Variants in KIF16B observed in about 807,000 individuals in gnomAD.
KIF16B encodes kinesin-like protein KIF16B.
A neutral mutation model predicts 156.3 loss-of-function variants in KIF16B; 98 were observed. The observed-to-expected ratio is 0.63, with a 90% confidence interval of 0.53 to 0.74. The LOEUF (loss-of-function observed/expected upper bound fraction) is 0.74. Among genes scored for constraint, KIF16B ranks in the 30% least tolerant of loss-of-function variants. The pLI is 0.00. For missense variants in KIF16B, 1,421 were observed against 1,606.5 expected, an observed-to-expected ratio of 0.88 and a Z score of 1.97; for synonymous variants, 564 against 583.7, an observed-to-expected ratio of 0.97 and a Z score of 0.49.
intron 22 of KIF16B, among the ~76,000 whole-genome samples, chr20:16,366,097 G>A (rs2064659977): frequency 6.6e-6 from 1 of 151,986 alleles, no homozygotes; most frequent in Non-Finnish European, 1.5e-5. Flanking sequence ...GGAAAGGGTT[G>A]ATCAGAGGAG....
chr20:16,315,441 C>A (rs529363395), intron 24 of KIF16B, among the ~76,000 whole-genome samples: 2 of 152,082 alleles, frequency 1.3e-5, no homozygotes, highest in Non-Finnish European at 2.9e-5. Flanking sequence ...CCAGGCCTCT[C>A]GGGATAAAGC....
At chr20:16,567,941 G>C (rs952772900) in intron 1 of KIF16B, among the ~76,000 whole-genome samples, 1 of 152,166 alleles carries the variant, frequency 6.6e-6, no homozygotes, top group African/African-American at 2.4e-5. Flanking sequence ...AACAGAGCGA[G>C]ACTTCGTCTC....
intron 24 of KIF16B, among the ~76,000 whole-genome samples, chr20:16,335,377 T>C (rs2064017550): frequency 6.6e-6 from 1 of 152,238 alleles, no homozygotes; most frequent in Admixed American, 6.5e-5. Context: ...AATGTATTAA[T>C]ACCCTCTGGA....
intron 12 of KIF16B, among the ~76,000 whole-genome samples, chr20:16,445,321 C>A (rs1307824353): frequency 6.6e-6 from 1 of 152,054 alleles, no homozygotes; most frequent in Non-Finnish European, 1.5e-5. Context: ...ATTCTGTACT[C>A]CTGGACCCTG....
intron 22 of KIF16B, chr20:16,368,115 T>C: frequency 1.6e-6 from 2 of 1,252,876 alleles, no homozygotes; most frequent in South Asian, 2.0e-5. Flanking sequence ...AAGGTTCTGG[T>C]AGAGAACAAG....
chr20:16,514,885 CAAAAAAAAAAA>C (rs10564862), intron 4 of KIF16B, among the ~76,000 whole-genome samples: 17 of 60,754 alleles, frequency 2.8e-4, no homozygotes, highest in South Asian at 1.0e-3. Context: ...GATTCCATCT[CAAAAAAAAAAA>C]AAAAAAAAAA....
chr20:16,528,099 G>A lies in KIF16B; in HGVS notation c.117+272C>T, dbSNP rs368907238. On this transcript the variant is annotated intron_variant, in intron 2 of 25. Coordinates refer to ENST00000354981, the MANE Select transcript of KIF16B (RefSeq NM_024704.5). Reference sequence around the variant, plus strand: ...TACTACGAGGACACAGGATGAAAATGCCCGAATCTGGGATAGACTCAGGAG... The same window carrying A: ...TACTACGAGGACACAGGATGAAAATACCCGAATCTGGGATAGACTCAGGAG... Among the ~76,000 whole-genome samples the A allele has an allele frequency of 1.2e-4, 19 of 152,272 alleles. No individual in the cohort carries two copies. In the East Asian group the frequency reaches 3.7e-3, roughly 29 times the overall value.
chr20:16,430,383 A>G (rs1273189578), intron 12 of KIF16B, among the ~76,000 whole-genome samples: 1 of 152,106 alleles, frequency 6.6e-6, no homozygotes, highest in African/African-American at 2.4e-5. Context: ...CCTGAGAAGA[A>G]GCCTTCCTGT....
chr20:16,382,546 A>G (rs753241761), intron 17 of KIF16B, among the ~76,000 whole-genome samples: 19 of 152,236 alleles, frequency 1.2e-4, no homozygotes, highest in Non-Finnish European at 2.2e-4. Flanking sequence ...ACAGATTCAT[A>G]GTGGTGGTAC....
chr20:16,381,015 C>T (rs973657711), intron 18 of KIF16B, among the ~76,000 whole-genome samples: 4 of 152,182 alleles, frequency 2.6e-5, no homozygotes, highest in African/African-American at 9.7e-5. Flanking sequence ...TAAACATTTA[C>T]TTTGCAGATT....
chr20:16,437,638 C>T (rs562368587), intron 12 of KIF16B, among the ~76,000 whole-genome samples: 5 of 152,222 alleles, frequency 3.3e-5, no homozygotes, highest in South Asian at 2.1e-4. Flanking sequence ...ATGAGAAATA[C>T]GGAAATTGGA....
intron 2 of KIF16B, among the ~76,000 whole-genome samples, chr20:16,527,847 C>G (rs1384968875): frequency 6.6e-6 from 1 of 152,156 alleles, no homozygotes; most frequent in Non-Finnish European, 1.5e-5. Context: ...GGATATTTTT[C>G]AGTGCCAAAG....
chr20:16,322,121 C>A (rs913297833), intron 24 of KIF16B, among the ~76,000 whole-genome samples: 1 of 151,908 alleles, frequency 6.6e-6, no homozygotes, highest in African/African-American at 2.4e-5. Context: ...TAATGGCAAG[C>A]TTGTTTTGCA....
chr20:16,347,597 A>C (rs1214219422), intron 23 of KIF16B, among the ~76,000 whole-genome samples: 1 of 152,238 alleles, frequency 6.6e-6, no homozygotes, highest in Non-Finnish European at 1.5e-5. Flanking sequence ...TTTCAGTAGA[A>C]GACTGAAAGT....
chr20:16,561,328 T>G (rs12481431), intron 1 of KIF16B, among the ~76,000 whole-genome samples: 8,652 of 152,228 alleles, frequency 0.057, 311 homozygotes, highest in Admixed American at 0.086. Context: ...AATATCAGCA[T>G]GCATTGAGCA....
At chr20:16,369,308 T>C (rs990364254) in intron 22 of KIF16B, 1 of 984,850 alleles carries the variant, frequency 1.0e-6, no homozygotes, top group African/African-American at 1.7e-5. Flanking sequence ...GGATGTGGTA[T>C]CTCTTTCTGT....
At chr20:16,327,959 T>G (rs1322134302) in intron 24 of KIF16B, among the ~76,000 whole-genome samples, 1 of 152,186 alleles carries the variant, frequency 6.6e-6, no homozygotes, top group Non-Finnish European at 1.5e-5. Context: ...AAACTTGAAA[T>G]GCTAGTAATA....
intron 12 of KIF16B, among the ~76,000 whole-genome samples, chr20:16,493,470 T>C (rs2068359089): frequency 6.6e-6 from 1 of 152,228 alleles, no homozygotes; most frequent in African/African-American, 2.4e-5. Flanking sequence ...CTGCCAAGAC[T>C]CATCTATCTG....
chr20:16,366,438 GA>G (rs1600216375), intron 22 of KIF16B, among the ~76,000 whole-genome samples: 1 of 152,226 alleles, frequency 6.6e-6, no homozygotes, highest in African/African-American at 2.4e-5. Flanking sequence ...GAAAGAACTG[GA>G]ATATGGTGGT....
Sources: allele counts gnomAD v4.1 joint callset (sites outside exome capture counted in the v4.1 genomes callset), GRCh38; gene constraint gnomAD v4.1.1; transcripts MANE v1.5; gene names NCBI Gene and HGNC (gene_info 2026-07-23, HGNC 2026-07-21).